Variants in FAR2 observed in about 807,000 individuals in gnomAD.
FAR2 encodes the protein fatty acyl-CoA reductase 2.
A neutral mutation model predicts 56.0 loss-of-function variants in FAR2; 19 were observed. The ratio of observed to expected loss-of-function variants is 0.34; its 90% CI spans 0.24 to 0.50. The LOEUF (loss-of-function observed/expected upper bound fraction) is 0.50. FAR2 is among the 20% of genes least tolerant of loss of function. The pLI is 0.98. For synonymous variants in FAR2, 219 were observed against 218.8 expected, an observed-to-expected ratio of 1.00 and a Z score of -0.01; for missense variants, 508 against 642.2, an observed-to-expected ratio of 0.79 and a Z score of 2.26.
intron 6 of FAR2, 91 bp from the exon 7 acceptor site, chr12:29,310,937 G>A (rs894379276): frequency 6.6e-6 from 6 of 913,348 alleles, no homozygotes; most frequent in Non-Finnish European, 5.4e-6. Flanking sequence ...TTCACTTATT[G>A]CACTAGTATA....
In FAR2 at chr12:29,160,408, C is replaced by A. The variant is rs887817971; in HGVS notation, c.-39+11001C>A. Among the ~76,000 whole-genome samples, 17 of 152,312 alleles carry A rather than the reference C, an allele frequency of 1.1e-4. No individual in the cohort carries two copies. The South Asian group carries it at 3.5e-3, about 32-fold the overall frequency. ...TGTATGAGATGCTAATTGAGGTAGA[C>A]TGTGGGAGGTGGGTGTTTCCGGTGC... On this transcript the variant is annotated intron_variant, in intron 1 of 11. Transcript: ENST00000536681.
intron 1 of FAR2, among the ~76,000 whole-genome samples, chr12:29,161,959 T>A (rs1228906754): frequency 6.6e-6 from 1 of 152,178 alleles, no homozygotes; most frequent in African/African-American, 2.4e-5. Flanking sequence ...TGCTCATTTG[T>A]CTATTGGGTT....
intron 4 of FAR2, 46 bp from the exon 5 acceptor site, chr12:29,307,609 TTTA>T (rs1949272693): frequency 6.6e-7 from 1 of 1,513,888 alleles, no homozygotes; most frequent in African/African-American, 1.4e-5. Flanking sequence ...TTCCTTTTGG[TTTA>T]TTGTCTAACA....
chr12:29,301,316 C>T (rs1949161046), intron 4 of FAR2, among the ~76,000 whole-genome samples: 1 of 152,150 alleles, frequency 6.6e-6, no homozygotes, highest in African/African-American at 2.4e-5. Context: ...TCCCAGCCAC[C>T]GGTTCCCATT....
chr12:29,149,578 T>C lies in FAR2; in HGVS notation c.-39+171T>C, dbSNP rs773633579. 2.0e-4 allele frequency among the ~76,000 whole-genome samples: 30 copies of C among 152,130 alleles called. 1 individual carries two copies. The highest frequency in any genetic ancestry group is 1.9e-4 in the Non-Finnish European group (13 of 67,968). On this transcript the variant is annotated intron_variant, in intron 1 of 11. Coordinates refer to ENST00000536681, the MANE Select transcript of FAR2 (RefSeq NM_001271783.2). ...GAGGCCGGGTGGGAGGAGAGAAGCATTTGCGGAGGCTCTGCCCCCTGAAGC... is the reference window on the plus strand; with the variant it reads ...GAGGCCGGGTGGGAGGAGAGAAGCACTTGCGGAGGCTCTGCCCCCTGAAGC...
intron 1 of FAR2, among the ~76,000 whole-genome samples, chr12:29,225,396 A>T (rs1251553063): frequency 6.6e-6 from 1 of 152,162 alleles, no homozygotes; most frequent in Non-Finnish European, 1.5e-5. Flanking sequence ...ATACATGTGA[A>T]GCCCCTAGCA....
chr12:29,186,918 A>T (rs975726609), intron 1 of FAR2, among the ~76,000 whole-genome samples: 1 of 151,940 alleles, frequency 6.6e-6, no homozygotes, highest in African/African-American at 2.4e-5. Flanking sequence ...CCTTCCAAGT[A>T]GCTGGGACTA....
intron 4 of FAR2, among the ~76,000 whole-genome samples, chr12:29,305,098 T>C (rs1411957555): frequency 6.6e-6 from 1 of 151,982 alleles, no homozygotes; most frequent in African/African-American, 2.4e-5. Flanking sequence ...TTATAAGTGA[T>C]ATTTTATTTT....
chr12:29,264,675 G>GA (rs71042973), intron 1 of FAR2, among the ~76,000 whole-genome samples: 3 of 65,848 alleles, frequency 4.6e-5, no homozygotes, highest in South Asian at 4.4e-4. Flanking sequence ...GAGAGAGAGA[G>GA]GAGGAGAGGG....
chr12:29,190,498 C>G (rs1397996054), intron 1 of FAR2, among the ~76,000 whole-genome samples: 1 of 152,108 alleles, frequency 6.6e-6, no homozygotes, highest in Non-Finnish European at 1.5e-5. Context: ...GAGTTTCCCT[C>G]TTGTTGCCCA....
intron 2 of FAR2, among the ~76,000 whole-genome samples, chr12:29,284,164 T>G (rs1414636610): frequency 6.6e-6 from 1 of 152,212 alleles, no homozygotes; most frequent in Non-Finnish European, 1.5e-5. Context: ...TAGTAGAAAT[T>G]ATTAAAAGTG....
chr12:29,214,095 G>T (rs1219539158), intron 1 of FAR2, among the ~76,000 whole-genome samples: 1 of 152,146 alleles, frequency 6.6e-6, no homozygotes, highest in Non-Finnish European at 1.5e-5. Flanking sequence ...CGTCATCCAA[G>T]TCATCAATTT....
At chr12:29,244,594 C>T (rs890503530) in intron 1 of FAR2, among the ~76,000 whole-genome samples, 1 of 152,170 alleles carries the variant, frequency 6.6e-6, no homozygotes, top group African/African-American at 2.4e-5. Flanking sequence ...TCCATTTATC[C>T]ATCCATTTCC....
intron 1 of FAR2, among the ~76,000 whole-genome samples, chr12:29,269,683 C>T (rs972915635): frequency 6.6e-6 from 1 of 152,182 alleles, no homozygotes; most frequent in Non-Finnish European, 1.5e-5. Context: ...TAATAAATGT[C>T]TATGAAATCT....
At chr12:29,267,053 TC>T (rs1444452436) in intron 1 of FAR2, among the ~76,000 whole-genome samples, 3 of 152,108 alleles carry the variant, frequency 2.0e-5, no homozygotes, top group Non-Finnish European at 4.4e-5. Context: ...ATGCCTAATA[TC>T]CTATTAAAGA....
chr12:29,321,872 G>C lies in FAR2; in HGVS notation c.1205G>C (p.Ser402Thr). Residue 402 changes from serine (S) to threonine (T), a missense_variant, in exon 10 of 12, where the codon AGC (serine) becomes ACC (threonine). Coordinates refer to ENST00000536681, the MANE Select transcript of FAR2 (RefSeq NM_001271783.2). ...TTCATCAACCGGAGTTGGGAATGGA[G>C]CACGTACAATACAGAAATGCTGATG... Reference protein sequence around the residue: ...EYFINRSWEWSTYNTEMLMSE... With the variant: ...EYFINRSWEWTTYNTEMLMSE... The C allele has an allele frequency of 6.2e-7, 1 of 1,613,804 alleles. No homozygotes were observed. Among genetic ancestry groups the C allele is most frequent in the African/African-American group, 1.3e-5 (1 of 75,014 alleles).
At chr12:29,194,768 C>G (rs1480461688) in intron 1 of FAR2, among the ~76,000 whole-genome samples, 1 of 151,896 alleles carries the variant, frequency 6.6e-6, no homozygotes, top group East Asian at 1.9e-4. Context: ...AAGAGGAGCA[C>G]CTGAGGATTT....
intron 1 of FAR2, among the ~76,000 whole-genome samples, chr12:29,184,450 T>C (rs1950019649): frequency 7.1e-6 from 1 of 141,536 alleles, no homozygotes; most frequent in Admixed American, 6.9e-5. Flanking sequence ...TTTTTTTTTT[T>C]TTGAGATGGA....
chr12:29,253,574 G>A (rs1397279208), intron 1 of FAR2, among the ~76,000 whole-genome samples: 1 of 152,016 alleles, frequency 6.6e-6, no homozygotes, highest in African/African-American at 2.4e-5. Flanking sequence ...AAAAAAATGT[G>A]TTGGCTTACT....
Sources: allele counts gnomAD v4.1 joint callset (sites outside exome capture counted in the v4.1 genomes callset), GRCh38; gene constraint gnomAD v4.1.1; transcripts MANE v1.5; gene names NCBI Gene and HGNC (gene_info 2026-07-23, HGNC 2026-07-21).